Variants in ADGRD2 observed in about 807,000 individuals in gnomAD.
ADGRD2 encodes G protein-coupled receptor PGR24.
Under a neutral mutation model 44.4 loss-of-function variants are expected in ADGRD2, and 71 were observed. That is an observed-to-expected ratio of 1.60 (90% CI 1.32 to 1.95). ADGRD2 has a LOEUF of 1.95. Among genes scored for constraint, ADGRD2 ranks in the 30% most tolerant of loss-of-function variants. The pLI is 0.00. For missense variants in ADGRD2, 1,039 were observed against 512.4 expected, an observed-to-expected ratio of 2.03 and a Z score of -9.92; for synonymous variants, 481 against 224.8, an observed-to-expected ratio of 2.14 and a Z score of -10.19.
chr9:124,451,742 C>T, upstream of ADGRD2: 1 of 286,270 alleles, frequency 3.5e-6, no homozygotes, highest in Non-Finnish European at 6.7e-6. Context: ...GGGAGGAAGT[C>T]AAGGGGACTC....
chr9:124,477,186 G>C (rs530946109), intron 21 of ADGRD2: 1 of 402,418 alleles, frequency 2.5e-6, no homozygotes, highest in African/African-American at 2.1e-5. Context: ...ACAGCTGATG[G>C]GGGCATGACG....
chr9:124,468,079 C>T lies in ADGRD2; in HGVS notation c.2131-9C>T. 1.4e-6 allele frequency: 1 copy of T among 718,470 alleles called. No homozygotes were observed. The highest frequency in any genetic ancestry group is 2.6e-6 in the Non-Finnish European group (1 of 385,132). 44.5% of individuals were successfully genotyped at this position (718,470 alleles called of 1,614,324 possible). A position where few individuals can be genotyped will look rare whatever the true frequency, so the allele number is the denominator to read the frequency against. ...TGTTCTTGTTAACTGACTCCTCTGT[C>T]CTCTCCAGGGTCCCCAAGTCAGAGC... On this transcript the variant is annotated splice_polypyrimidine_tract_variant and intron_variant, in intron 12 of 21. Transcript: ENST00000334810.
chr9:124,470,725 T>G, intron 17 of ADGRD2, 111 bp downstream of exon 20: 1 of 589,914 alleles, frequency 1.7e-6, no homozygotes, highest in Non-Finnish European at 3.1e-6. Context: ...ATGGGAGACA[T>G]TCAACAGCAA....
chr9:124,456,182 G>C (rs892828902), intron 6 of ADGRD2, among the ~76,000 whole-genome samples: 2 of 152,222 alleles, frequency 1.3e-5, no homozygotes, highest in African/African-American at 2.4e-5. Context: ...GAGGCGTTAG[G>C]GATGAACAGT....
chr9:124,466,544 A>C, intron 11 of ADGRD2, 131 bp downstream of exon 14: 1 of 554,142 alleles, frequency 1.8e-6, no homozygotes, highest in Non-Finnish European at 3.3e-6. Context: ...ACAGGGCTGC[A>C]TGCAGTAGTT....
rs574046519 is a variant in ADGRD2, at chr9:124,467,491, G to A, written c.2027-230G>A. Among the ~76,000 whole-genome samples, 236 of 152,284 alleles carry A rather than the reference G, an allele frequency of 1.5e-3. 2 individuals carry two copies. Among genetic ancestry groups the A allele is most frequent in the African/African-American group, 5.4e-3 (226 of 41,558 alleles). ...AGCACTCTTAGTAATTGTCCAGTTG[G>A]TAGAATCCGGGCCAGTTGGGGTCAG... is the stretch of plus-strand genomic sequence containing the variant. On this transcript the variant is annotated intron_variant, in intron 11 of 21. Coordinates refer to ENST00000334810, the Ensembl canonical transcript of ADGRD2.
At chr9:124,450,773 T>C (rs1831452420), upstream of ADGRD2, among the ~76,000 whole-genome samples, 1 of 152,052 alleles carries the variant, frequency 6.6e-6, no homozygotes, top group Non-Finnish European at 1.5e-5. Context: ...GTGAGGGGCG[T>C]GTTGGATTTT....
chr9:124,467,854 G>T (rs1831857774), intron 12 of ADGRD2, 30 bp downstream of exon 15: 2 of 717,846 alleles, frequency 2.8e-6, no homozygotes, highest in Admixed American at 4.0e-5. Context: ...GTAGCCTGGT[G>T]GCCTGGGCCC....
intron 10 of ADGRD2, 48 bp from the exon 14 acceptor site, chr9:124,466,210 C>T: frequency 1.8e-6 from 1 of 549,906 alleles, no homozygotes. Context: ...GAAAGCCTTT[C>T]CCCTGCTTGC....
At chr9:124,477,291 G>C (rs1832067762) in intron 21 of ADGRD2, among the ~76,000 whole-genome samples, 1 of 152,228 alleles carries the variant, frequency 6.6e-6, no homozygotes, top group South Asian at 2.1e-4. Context: ...GCTCAGCCGG[G>C]CCCAGGGGAG....
chr9:124,470,716 TG>T (rs1831932082), intron 17 of ADGRD2, 102 bp downstream of exon 20: 1 of 596,980 alleles, frequency 1.7e-6, no homozygotes, highest in Non-Finnish European at 3.1e-6. Context: ...CTCTCCATCA[TG>T]GGAGACATTC....
chr9:124,469,671 G>A, intron 16 of ADGRD2, 124 bp downstream of exon 19: 1 of 651,022 alleles, frequency 1.5e-6, no homozygotes, highest in Non-Finnish European at 2.8e-6. Flanking sequence ...GTGTGGCTAT[G>A]CCCAAGTCTG....
In ADGRD2 at chr9:124,454,094, A is replaced by C. The variant is rs1185760238; in HGVS notation, c.1021A>C (p.Thr341Pro). 1.4e-6 allele frequency: 1 copy of C among 703,172 alleles called. No individual in the cohort carries two copies. Among genetic ancestry groups the C allele is most frequent in the Admixed American group, 2.1e-5 (1 of 47,580 alleles). The allele number at this position is 703,172 out of a possible 1,614,324, so 43.6% of individuals were successfully genotyped here. A position where few individuals can be genotyped will look rare whatever the true frequency, so the allele number is the denominator to read the frequency against. The change falls in exon 4 of 22, where the codon ACA becomes CCA. Residue 341 changes from threonine (T) to proline (P), a missense_variant. Transcript: ENST00000334810. The surrounding 1 kb of genome is among the most constrained non-coding windows in gnomAD (Gnocchi z 4.5). ...GCAGCCCTTCCTCTGCTGCTACCGG[A>C]CAGGTGCGCCCTGGCTGTACCCCTG... is the stretch of plus-strand genomic sequence containing the variant.
chr9:124,457,316 A>G (rs1283278252), intron 7 of ADGRD2, among the ~76,000 whole-genome samples, 156 bp from the exon 11 acceptor site: 2 of 152,230 alleles, frequency 1.3e-5, no homozygotes, highest in Non-Finnish European at 2.9e-5. Context: ...TGGAAAAGTC[A>G]GATTTGCCTT....
upstream of ADGRD2, chr9:124,451,780 C>A: frequency 3.0e-6 from 1 of 335,464 alleles, no homozygotes; most frequent in Non-Finnish European, 5.6e-6. Context: ...AAGTGGCCAT[C>A]CTTACCTCAT....
At chr9:124,469,194 C>G (rs1278713072) in intron 14 of ADGRD2, 28 bp from the exon 18 acceptor site, 7 of 697,242 alleles carry the variant, frequency 1.0e-5, no homozygotes, top group Non-Finnish European at 1.8e-5. Context: ...GGTGACCCAG[C>G]CTTGAGGCCC....
chr9:124,460,402 G>A (rs1831707465), intron 10 of ADGRD2, among the ~76,000 whole-genome samples: 1 of 144,714 alleles, frequency 6.9e-6, no homozygotes, highest in Admixed American at 6.9e-5. Context: ...TTTTTTAGTA[G>A]AGATGGGGTT....
chr9:124,452,507 T>A lies in ADGRD2; in HGVS notation c.69-3T>A, dbSNP rs79166149. On this transcript the variant is annotated splice_region_variant and splice_polypyrimidine_tract_variant and intron_variant, in intron 1 of 21. Transcript: ENST00000334810. The stretch of plus-strand genomic sequence containing the variant: ...CCCCCACCGTCTCTCTTATCGTTTT[T>A]AGCCCCCGTGGCCGCCGGCGAGGTG... 6,437 of 718,516 alleles carry A rather than the reference T, an allele frequency of 9.0e-3. 132 individuals carry two copies. Among genetic ancestry groups the A allele is most frequent in the East Asian group, 0.046 (1,711 of 37,286 alleles). The allele number at this position is 718,516 out of a possible 1,614,324, so 44.5% of individuals were successfully genotyped here.
At chr9:124,477,769 G>A (rs1183091333) in intron 21 of ADGRD2, among the ~76,000 whole-genome samples, 1 of 151,202 alleles carries the variant, frequency 6.6e-6, no homozygotes, top group Non-Finnish European at 1.5e-5. Flanking sequence ...CCACAGGCCC[G>A]CCCAGGCGCC....
Sources: allele counts gnomAD v4.1 joint callset (sites outside exome capture counted in the v4.1 genomes callset), GRCh38; gene constraint gnomAD v4.1.1; non-coding constraint Gnocchi (gnomAD v3.1); transcripts MANE v1.5; gene names NCBI Gene and HGNC (gene_info 2026-07-23, HGNC 2026-07-21).